Variants in DLG5 observed in about 807,000 individuals in gnomAD.
DLG5 encodes disks large homolog 5.
In DLG5, 48 loss-of-function variants were observed where a neutral mutation model predicts 189.8. The ratio of observed to expected loss-of-function variants is 0.25; its 90% confidence interval spans 0.20 to 0.32. DLG5 has a LOEUF of 0.32. Among genes scored for constraint, DLG5 ranks in the 10% least tolerant of loss-of-function variants. DLG5 has a pLI of 1.00. For missense variants in DLG5, 2,160 were observed against 2,544.7 expected, an observed-to-expected ratio of 0.85 and a Z score of 3.25; for synonymous variants, 1,016 against 1,054.1, an observed-to-expected ratio of 0.96 and a Z score of 0.70.
intron 1 of DLG5, among the ~76,000 whole-genome samples, chr10:77,903,081 A>G (rs1845976554): frequency 6.6e-6 from 1 of 152,254 alleles, no homozygotes; most frequent in Non-Finnish European, 1.5e-5. Context: ...CTGATGGTTC[A>G]ATGTACATAC....
intron 1 of DLG5, among the ~76,000 whole-genome samples, chr10:77,903,147 G>A (rs1199977371): frequency 6.6e-6 from 1 of 152,200 alleles, no homozygotes; most frequent in East Asian, 1.9e-4. Context: ...CCATTAAGCA[G>A]CCGGGCGCAG....
intron 20 of DLG5, chr10:77,816,246 C>G (rs111339386): frequency 9.5e-5 from 60 of 633,658 alleles, no homozygotes; most frequent in African/African-American, 8.4e-4. Flanking sequence ...CTTAGCCACA[C>G]GTAAAGTGCT....
chr10:77,818,788 T>C (rs1419588044), intron 17 of DLG5, among the ~76,000 whole-genome samples: 3 of 152,244 alleles, frequency 2.0e-5, no homozygotes, highest in African/African-American at 7.2e-5. Context: ...CGTTCATTTT[T>C]TTTTTTTGTC....
Position 77,926,367 on chromosome 10 carries a change from TG to T in DLG5, c.153del (p.Lys52ArgfsTer37). On this transcript the variant is annotated frameshift_variant, in exon 1 of 32. Transcript: ENST00000372391. LOFTEE classifies it high-confidence loss of function. The surrounding 1 kb of genome is among the most constrained non-coding windows in gnomAD (Gnocchi z 5.2). ...RRQLDEEAGG[A>X]KAELLLKLLL... ...AGCAGCTTGAGCAGCAGCTCCGCCT[TG>T]GCGCCTCCCGCCTCCTCGTCCAGCT... 6.2e-7 allele frequency: 1 copy of T among 1,600,392 alleles called. No individual in the cohort carries two copies. The highest frequency in any genetic ancestry group is 8.5e-7 in the Non-Finnish European group (1 of 1,175,328).
intron 2 of DLG5, chr10:77,868,517 G>C (rs1844776739): frequency 3.6e-6 from 1 of 274,224 alleles, no homozygotes; most frequent in Non-Finnish European, 7.1e-6. Context: ...GATGACCTCT[G>C]TGAGTCCTTC....
At chr10:77,836,919 A>G (rs191432460) in intron 7 of DLG5, among the ~76,000 whole-genome samples, 23 of 152,208 alleles carry the variant, frequency 1.5e-4, no homozygotes, top group African/African-American at 5.3e-4. Flanking sequence ...TCATTTTAAA[A>G]AGAATTATTT....
chr10:77,934,177 C>A, the DLG5 span, among the ~76,000 whole-genome samples: 1 of 151,820 alleles, frequency 6.6e-6, no homozygotes, highest in African/African-American at 2.4e-5. Context: ...TTGAGACCAG[C>A]CTGACCAACA....
intron 7 of DLG5, among the ~76,000 whole-genome samples, chr10:77,836,265 TAG>T (rs1195883681): frequency 1.3e-5 from 2 of 152,172 alleles, no homozygotes; most frequent in African/African-American, 4.8e-5. Context: ...GACACATCCC[TAG>T]AGAGTTATAT....
intron 13 of DLG5, among the ~76,000 whole-genome samples, chr10:77,826,209 C>G (rs912128140): frequency 6.6e-6 from 1 of 152,224 alleles, no homozygotes; most frequent in African/African-American, 2.4e-5. Flanking sequence ...AGTGGCCATG[C>G]AGCACGACAC....
rs781764479 is a variant in DLG5, at chr10:77,834,049, G to A, written c.1623-10C>T. The A allele has an allele frequency of 6.2e-7, 1 of 1,607,628 alleles. No homozygotes were observed. Among genetic ancestry groups the A allele is most frequent in the South Asian group, 1.1e-5 (1 of 90,924 alleles). Reference sequence around the variant, plus strand: ...GTTGTCACACAGTGTCCTGGTGGAAGGAGCAGAGGACAAGGTCATCTCAAG... The same window carrying A: ...GTTGTCACACAGTGTCCTGGTGGAAAGAGCAGAGGACAAGGTCATCTCAAG... On this transcript the variant is annotated splice_polypyrimidine_tract_variant and intron_variant, in intron 8 of 31. Transcript: ENST00000372391.
At chr10:77,934,684 C>T in the DLG5 span, among the ~76,000 whole-genome samples, 1 of 152,172 alleles carries the variant, frequency 6.6e-6, no homozygotes, top group Non-Finnish European at 1.5e-5. Flanking sequence ...CTGGCAACAA[C>T]TGAATGACCT....
chr10:77,872,969 A>G (rs12761816), intron 1 of DLG5, among the ~76,000 whole-genome samples: 38,828 of 151,282 alleles, frequency 0.26, 5,561 homozygotes, highest in Admixed American at 0.39. Context: ...TCTCTACCTC[A>G]CAGAGTGCCC....
At position 77,811,937 on chromosome 10, in the gene DLG5, GGCT is replaced by G. The variant is rs1420055265; in HGVS notation, c.4306_4308del (p.Ser1436del). The G allele has an allele frequency of 1.6e-5, 26 of 1,606,046 alleles. No homozygotes were observed. Among genetic ancestry groups the G allele is most frequent in the Middle Eastern group, 1.7e-4 (1 of 5,816 alleles). On this transcript the variant is annotated inframe_deletion, in exon 22 of 32. Transcript: ENST00000372391. ...GCCCGCACTCACCTGGACCGGGAGT[GGCT>G]GCTGAGCTGGTGCACGTGGGGGTTG...
intron 5 of DLG5, among the ~76,000 whole-genome samples, chr10:77,852,628 G>C (rs1844037082): frequency 6.6e-6 from 1 of 152,032 alleles, no homozygotes; most frequent in Non-Finnish European, 1.5e-5. Context: ...TGTTAGGATG[G>C]TCTCGATCTC....
At chr10:77,923,692 A>G (rs1460053608) in intron 1 of DLG5, among the ~76,000 whole-genome samples, 2 of 152,074 alleles carry the variant, frequency 1.3e-5, no homozygotes, top group Non-Finnish European at 2.9e-5. Flanking sequence ...CAGGAGGCGG[A>G]GGCTGCAGTG....
chr10:77,838,649 G>T (rs991804944), intron 7 of DLG5, among the ~76,000 whole-genome samples: 1 of 152,214 alleles, frequency 6.6e-6, no homozygotes, highest in Non-Finnish European at 1.5e-5. Context: ...AGACAGAAGC[G>T]TGCAAGCACG....
intron 13 of DLG5, among the ~76,000 whole-genome samples, chr10:77,826,158 AC>A (rs1377868937): frequency 6.6e-6 from 1 of 152,124 alleles, no homozygotes; most frequent in East Asian, 1.9e-4. Context: ...CCAGGAATGT[AC>A]CCCAGGGCAC....
intron 2 of DLG5, 79 bp from the exon 3 acceptor site, chr10:77,856,971 C>T (rs1458187939): frequency 7.2e-7 from 1 of 1,396,270 alleles, no homozygotes; most frequent in Non-Finnish European, 9.7e-7. Context: ...GAGCTGTTGG[C>T]TTGTGTTAGC....
chr10:77,860,231 C>T (rs1844418953), intron 2 of DLG5, among the ~76,000 whole-genome samples: 1 of 152,214 alleles, frequency 6.6e-6, no homozygotes, highest in African/African-American at 2.4e-5. Flanking sequence ...CCTCATGCCT[C>T]GGTGCCTCCC....
Sources: allele counts gnomAD v4.1 joint callset (sites outside exome capture counted in the v4.1 genomes callset), GRCh38; gene constraint gnomAD v4.1.1; non-coding constraint Gnocchi (gnomAD v3.1); transcripts MANE v1.5; gene names NCBI Gene and HGNC (gene_info 2026-07-23, HGNC 2026-07-21).